Variants in CSMD3 observed in about 807,000 individuals in gnomAD.
The protein encoded by CSMD3 is CUB and sushi domain-containing protein 3.
Under a neutral mutation model 435.2 loss-of-function variants are expected in CSMD3, and 177 were observed. That is an observed-to-expected ratio of 0.41 (90% CI 0.36 to 0.46). The LOEUF is 0.46. Among genes scored for constraint, CSMD3 ranks in the 20% least tolerant of loss-of-function variants. The pLI is 0.34. For missense variants in CSMD3, 4,265 were observed against 4,504.6 expected (o/e 0.95, Z 1.52); for synonymous variants, 1,656 against 1,520.5 (o/e 1.09, Z -2.07).
intron 5 of CSMD3, among the ~76,000 whole-genome samples, chr8:113,069,118 A>AG (rs1564277779): frequency 6.6e-6 from 1 of 152,114 alleles, no homozygotes; most frequent in African/African-American, 2.4e-5. Context: ...GCCAAAAAAA[A>AG]CCACACAAAT....
intron 3 of CSMD3, among the ~76,000 whole-genome samples, chr8:113,174,156 T>C (rs1036872303): frequency 2.6e-5 from 4 of 152,164 alleles, no homozygotes; most frequent in African/African-American, 9.6e-5. Flanking sequence ...TTATATTACT[T>C]AGTCTTCAGA....
At chr8:113,026,050 T>C (rs1322811047) in intron 5 of CSMD3, among the ~76,000 whole-genome samples, 1 of 152,098 alleles carries the variant, frequency 6.6e-6, no homozygotes, top group Non-Finnish European at 1.5e-5. Context: ...GTCACAGGGA[T>C]AGGGGGTGCA....
intron 59 of CSMD3, among the ~76,000 whole-genome samples, chr8:112,269,083 T>A (rs1817227703): frequency 6.6e-6 from 1 of 152,184 alleles, no homozygotes; most frequent in Admixed American, 6.5e-5. Context: ...AAATGTCCCC[T>A]GGGAAGCAAA....
chr8:112,769,780 A>G (rs2132188734), intron 13 of CSMD3, among the ~76,000 whole-genome samples: 1 of 152,110 alleles, frequency 6.6e-6, no homozygotes, highest in Admixed American at 6.6e-5. Context: ...GTTATAATTA[A>G]AAATCCCATA....
At position 113,364,219 on chromosome 8, in the gene CSMD3, C is replaced by T. The variant is rs138740945; in HGVS notation, c.179-49426G>A. On this transcript the variant is annotated intron_variant, in intron 1 of 70. Coordinates refer to ENST00000297405, the MANE Select transcript of CSMD3 (RefSeq NM_198123.2). ...AGAGCTGTTAGAGTGTGATGTAGGG[C>T]AATCTCCTAAAGGAATTAGACTAAA... 4.0e-3 allele frequency among the ~76,000 whole-genome samples: 612 copies of T among 151,640 alleles called. 1 individual carries two copies. The highest frequency in any genetic ancestry group is 0.014 in the African/African-American group (585 of 41,272).
chr8:112,961,563 G>A (rs780485711), intron 7 of CSMD3, among the ~76,000 whole-genome samples: 3 of 151,776 alleles, frequency 2.0e-5, no homozygotes, highest in African/African-American at 7.2e-5. Context: ...ATCATTTTAG[G>A]CTAAGAAATA....
chr8:112,705,810 T>A (rs1321818919), intron 13 of CSMD3, among the ~76,000 whole-genome samples: 1 of 152,090 alleles, frequency 6.6e-6, no homozygotes, highest in Non-Finnish European at 1.5e-5. Flanking sequence ...GTTTTAAAAC[T>A]CTGAGATGAT....
chr8:112,870,919 G>T (rs2081118141), intron 10 of CSMD3, among the ~76,000 whole-genome samples: 1 of 152,102 alleles, frequency 6.6e-6, no homozygotes, highest in Non-Finnish European at 1.5e-5. Context: ...GGAACTGATG[G>T]AGAAAAGGAA....
chr8:113,052,925 A>T (rs1232862319), intron 5 of CSMD3, among the ~76,000 whole-genome samples: 1 of 152,202 alleles, frequency 6.6e-6, no homozygotes, highest in East Asian at 1.9e-4. Context: ...CCTCCTTATA[A>T]GTTTCAGGAA....
intron 13 of CSMD3, among the ~76,000 whole-genome samples, chr8:112,732,074 G>C (rs773639014): frequency 6.6e-6 from 1 of 151,512 alleles, no homozygotes; most frequent in African/African-American, 2.4e-5. Flanking sequence ...GTGTATGTAT[G>C]TGTGTGTGTG....
intron 22 of CSMD3, among the ~76,000 whole-genome samples, chr8:112,607,152 G>A (rs978392242): frequency 2.6e-5 from 4 of 151,580 alleles, no homozygotes; most frequent in African/African-American, 9.7e-5. Context: ...AAAGAAAAAA[G>A]AGAGTCTCAA....
At chr8:112,836,361 A>G (rs1447948991) in intron 11 of CSMD3, among the ~76,000 whole-genome samples, 1 of 151,774 alleles carries the variant, frequency 6.6e-6, no homozygotes, top group Non-Finnish European at 1.5e-5. Flanking sequence ...TCAACAGGAC[A>G]TATATTTTGT....
chr8:112,403,089 T>G (rs1041444806), intron 35 of CSMD3, among the ~76,000 whole-genome samples: 3 of 152,308 alleles, frequency 2.0e-5, no homozygotes, highest in Admixed American at 6.5e-5. Context: ...CTGATTTATC[T>G]CCTGTATTTG....
chr8:112,305,042 C>T, intron 51 of CSMD3, 127 bp from the exon 52 acceptor site: 1 of 737,468 alleles, frequency 1.4e-6, no homozygotes, highest in Non-Finnish European at 2.4e-6. Context: ...AGCATTTGTT[C>T]TTTATTTCTT....
intron 47 of CSMD3, among the ~76,000 whole-genome samples, chr8:112,317,516 A>T (rs2130853417): frequency 6.6e-6 from 1 of 152,102 alleles, no homozygotes; most frequent in South Asian, 2.1e-4. Context: ...TTGCATATCT[A>T]AATATCTGAA....
chr8:113,403,242 G>T (rs1423580340), intron 1 of CSMD3, among the ~76,000 whole-genome samples: 1 of 151,252 alleles, frequency 6.6e-6, no homozygotes, highest in Non-Finnish European at 1.5e-5. Flanking sequence ...AACAACAAGT[G>T]ACTGATTTTG....
intron 61 of CSMD3, among the ~76,000 whole-genome samples, chr8:112,257,483 A>C (rs1815920731): frequency 6.6e-6 from 1 of 152,212 alleles, no homozygotes; most frequent in African/African-American, 2.4e-5. Flanking sequence ...CCTATACACC[A>C]ATGATAGACA....
chr8:113,364,669 G>A (rs1343419607), intron 1 of CSMD3, among the ~76,000 whole-genome samples: 2 of 151,906 alleles, frequency 1.3e-5, no homozygotes, highest in Non-Finnish European at 2.9e-5. Context: ...ATTGTTATAT[G>A]TTCTCCAAAA....
chr8:112,265,645 G>T, intron 59 of CSMD3, 55 bp from the exon 60 acceptor site: 1 of 1,244,810 alleles, frequency 8.0e-7, no homozygotes, highest in South Asian at 1.2e-5. Context: ...ATTTAATGGA[G>T]AGGAGTAGTA....
Sources: gnomAD v4.1 joint callset for allele counts (sites outside exome capture counted in the v4.1 genomes callset) on GRCh38, gnomAD v4.1.1 for gene constraint, MANE v1.5 for transcripts, NCBI Gene and HGNC (gene_info 2026-07-23, HGNC 2026-07-21) for gene names.